Variants in CSMD1 observed in about 807,000 individuals in gnomAD.
CSMD1 encodes the protein CUB and sushi domain-containing protein 1.
A neutral mutation model predicts 417.5 loss-of-function variants in CSMD1; 213 were observed. That is an observed-to-expected ratio of 0.51 (90% CI 0.46 to 0.57). The LOEUF (loss-of-function observed/expected upper bound fraction) is 0.57. CSMD1 is among the 20% of genes least tolerant of loss of function. The pLI is 0.00. For missense variants in CSMD1, 6,923 were observed against 4,529.7 expected, an observed-to-expected ratio of 1.53 and a Z score of -15.17; for synonymous variants, 2,862 against 1,736.8, an observed-to-expected ratio of 1.65 and a Z score of -16.11.
chr8:4,141,494 C>T (rs1300458927), intron 3 of CSMD1, among the ~76,000 whole-genome samples: 1 of 151,072 alleles, frequency 6.6e-6, no homozygotes, highest in Non-Finnish European at 1.5e-5. Context: ...TTGGTCTTCA[C>T]AATAATCCTG....
At chr8:3,393,306 C>T (rs962850659) in intron 17 of CSMD1, among the ~76,000 whole-genome samples, 2 of 152,156 alleles carry the variant, frequency 1.3e-5, no homozygotes, top group African/African-American at 2.4e-5. Flanking sequence ...GGCCTCTGCT[C>T]ACTTCTGTGG....
intron 20 of CSMD1, 86 bp from the exon 21 acceptor site, chr8:3,359,426 T>TA (rs34858861): frequency 0.047 from 24,084 of 511,660 alleles, 15 homozygotes; most frequent in East Asian, 0.069. Flanking sequence ...GTGCTATTAC[T>TA]AAAAAAAAAA....
intron 3 of CSMD1, among the ~76,000 whole-genome samples, chr8:4,077,299 A>ATATATATATATATATATATATG (rs1799875955): frequency 4.5e-5 from 3 of 66,124 alleles, no homozygotes; most frequent in African/African-American, 1.2e-4. Flanking sequence ...ATATATGTGT[A>ATATATATATATATATATATATG]TATATATATA....
chr8:3,856,516 G>C (rs1470912800), intron 5 of CSMD1, among the ~76,000 whole-genome samples: 1 of 152,172 alleles, frequency 6.6e-6, no homozygotes, highest in East Asian at 1.9e-4. Context: ...GGATCAAATG[G>C]AAATCACGTA....
At chr8:4,397,784 T>C (rs965250904) in intron 3 of CSMD1, among the ~76,000 whole-genome samples, 48 of 152,146 alleles carry the variant, frequency 3.2e-4, no homozygotes, top group Non-Finnish European at 5.9e-4. Context: ...AATACTGACA[T>C]GTATCTCAAT....
chr8:3,726,250 A>C (rs13256583), intron 6 of CSMD1, among the ~76,000 whole-genome samples: 104,982 of 151,960 alleles, frequency 0.69, 37,567 homozygotes, highest in South Asian at 0.82. Context: ...AGAGGCTGGG[A>C]AAGAACAGCC....
At position 4,274,170 on chromosome 8, in the gene CSMD1, G is replaced by C. The variant is rs1796331694; in HGVS notation, c.415+145783C>G. 4.6e-5 allele frequency among the ~76,000 whole-genome samples: 7 copies of C among 152,124 alleles called. No individual in the cohort carries two copies. The South Asian group carries it at 1.2e-3, about 27-fold the overall frequency. Reference sequence around the variant, plus strand: ...ACTCACTAATGTATTTTTTTGCAAAGTTAAATTAGACATCAAAGCAGAACC... The same window carrying C: ...ACTCACTAATGTATTTTTTTGCAAACTTAAATTAGACATCAAAGCAGAACC... On this transcript the variant is annotated intron_variant, in intron 3 of 69. Transcript: ENST00000635120.
chr8:4,035,357 C>T (rs549145313), intron 3 of CSMD1, among the ~76,000 whole-genome samples: 1 of 152,238 alleles, frequency 6.6e-6, no homozygotes, highest in African/African-American at 2.4e-5. Context: ...CTATACTATA[C>T]TTTTTATCAT....
At chr8:3,931,398 T>G (rs1252813133) in intron 5 of CSMD1, among the ~76,000 whole-genome samples, 2 of 150,658 alleles carry the variant, frequency 1.3e-5, no homozygotes, top group Admixed American at 6.6e-5. Flanking sequence ...ATTCATTCTT[T>G]TACCCATTCT....
At chr8:3,467,920 A>C (rs1816872633) in intron 12 of CSMD1, among the ~76,000 whole-genome samples, 1 of 152,242 alleles carries the variant, frequency 6.6e-6, no homozygotes, top group South Asian at 2.1e-4. Flanking sequence ...CTCAAATTCA[A>C]AAAGTAGAAT....
chr8:4,699,225 TG>T (rs1807353580), intron 1 of CSMD1, among the ~76,000 whole-genome samples: 1 of 152,212 alleles, frequency 6.6e-6, no homozygotes, highest in African/African-American at 2.4e-5. Context: ...TGTTTTCCTT[TG>T]CTTAAAGGAT....
chr8:3,980,899 C>A (rs548990573), intron 5 of CSMD1, among the ~76,000 whole-genome samples: 11 of 152,278 alleles, frequency 7.2e-5, no homozygotes, highest in African/African-American at 2.6e-4. Flanking sequence ...TATTTTCAGG[C>A]TAAAATTCAC....
intron 10 of CSMD1, among the ~76,000 whole-genome samples, chr8:3,522,339 T>A (rs770088643): frequency 2.0e-5 from 3 of 152,258 alleles, no homozygotes; most frequent in Non-Finnish European, 2.9e-5. Context: ...GGATATCTTT[T>A]GACTTAACAT....
intron 10 of CSMD1, among the ~76,000 whole-genome samples, chr8:3,553,177 G>C (rs1362441251): frequency 1.3e-5 from 2 of 152,118 alleles, no homozygotes; most frequent in East Asian, 3.9e-4. Flanking sequence ...TCAGTTTCAG[G>C]CTGTGCTAAA....
At chr8:3,524,747 T>A (rs1020811981) in intron 10 of CSMD1, among the ~76,000 whole-genome samples, 25 of 147,958 alleles carry the variant, frequency 1.7e-4, no homozygotes, top group African/African-American at 5.7e-4. Flanking sequence ...CACCGAGACA[T>A]GTGCACACAC....
chr8:4,248,497 C>T (rs542378829), intron 3 of CSMD1, among the ~76,000 whole-genome samples: 1 of 152,172 alleles, frequency 6.6e-6, no homozygotes, highest in Non-Finnish European at 1.5e-5. Flanking sequence ...TTGAACTATT[C>T]ATTAATATGT....
chr8:3,660,586 T>C (rs993783676), intron 7 of CSMD1, among the ~76,000 whole-genome samples: 2 of 129,048 alleles, frequency 1.5e-5, no homozygotes, highest in African/African-American at 2.9e-5. Context: ...AGTGGTGCAA[T>C]CTCAGCTCAC....
intron 8 of CSMD1, among the ~76,000 whole-genome samples, chr8:3,611,859 C>T (rs1801910204): frequency 6.6e-6 from 1 of 152,020 alleles, no homozygotes. Flanking sequence ...GACAGAAGTT[C>T]AGCCAATAAA....
chr8:3,564,953 A>G (rs148602376), intron 10 of CSMD1, among the ~76,000 whole-genome samples: 210 of 151,704 alleles, frequency 1.4e-3, no homozygotes, highest in South Asian at 3.8e-3. Flanking sequence ...GATCAACGCC[A>G]TAAGATTAAT....
Sources: allele counts gnomAD v4.1 joint callset (sites outside exome capture counted in the v4.1 genomes callset), GRCh38; gene constraint gnomAD v4.1.1; transcripts MANE v1.5; gene names NCBI Gene and HGNC (gene_info 2026-07-23, HGNC 2026-07-21).